C1orf54: variants seen among roughly 807,000 people sequenced by gnomAD.
C1orf54 encodes chromosome 1 open reading frame 54.
Under a neutral mutation model 14.7 loss-of-function variants are expected in C1orf54, and 12 were observed. The ratio of observed to expected loss-of-function variants is 0.82; its 90% CI spans 0.52 to 1.32. The LOEUF is 1.32. Among genes scored for constraint, C1orf54 ranks in the 40% most tolerant of loss-of-function variants. The probability of loss-of-function intolerance (pLI) is 0.00; values close to 1 mark genes in which losing one functional copy is unlikely to be tolerated. For missense variants in C1orf54, 163 were observed against 162.2 expected, an observed-to-expected ratio of 1.00 and a Z score of -0.03; for synonymous variants, 65 against 56.3, an observed-to-expected ratio of 1.16 and a Z score of -0.70.
chr1:150,272,947 G>C (rs1472748656), intron 1 of C1orf54, 84 bp downstream of exon 1: 2 of 1,454,978 alleles, frequency 1.4e-6, no homozygotes, highest in Admixed American at 1.7e-5. Context: ...GAGTGGGTGA[G>C]AGGTACATTT....
chr1:150,272,065 G>A (rs963525448), upstream of C1orf54, among the ~76,000 whole-genome samples: 27 of 152,186 alleles, frequency 1.8e-4, no homozygotes, highest in Non-Finnish European at 3.4e-4. Flanking sequence ...ACTGGAACCC[G>A]GGAGGCAGAG....
At chr1:150,277,502 TAAAAAAAA>T (rs71083896) in intron 4 of C1orf54, among the ~76,000 whole-genome samples, 6 of 41,326 alleles carry the variant, frequency 1.5e-4, no homozygotes, top group Non-Finnish European at 2.3e-4. Flanking sequence ...GACTCTATAC[TAAAAAAAA>T]AAAAAAAAAA....
rs1361942628 is a variant in C1orf54, at chr1:150,274,424, C to A, written c.130+254C>A. On this transcript the variant is annotated intron_variant, in intron 2 of 5. Transcript: ENST00000369099. The stretch of plus-strand genomic sequence containing the variant: ...GACCATCCTGGCTAACACAGTGAAA[C>A]CCTGTCTCTACTAAAAATACAAAAA... 2.0e-5 allele frequency among the ~76,000 whole-genome samples: 3 copies of A among 151,456 alleles called. No individual in the cohort carries two copies. In the South Asian group the frequency reaches 6.2e-4, roughly 32 times the overall value.
rs782428999 is a variant in C1orf54, at chr1:150,275,809, C to A, written c.189+10C>A. ...GTCAGAGGACAGGCTGGTGAGTGAA[C>A]TCTACATCTAAAAGGGTTAGGATAA... On this transcript the variant is annotated intron_variant, in intron 3 of 5. Coordinates refer to ENST00000369099, the MANE Select transcript of C1orf54 (RefSeq NM_024579.4). The A allele has an allele frequency of 5.0e-6, 8 of 1,603,376 alleles. No individual in the cohort carries two copies. The highest frequency in any genetic ancestry group is 6.8e-6 in the Non-Finnish European group (8 of 1,170,678).
At chr1:150,270,083 C>A (rs1052891587), upstream of C1orf54, among the ~76,000 whole-genome samples, 9 of 151,942 alleles carry the variant, frequency 5.9e-5, no homozygotes, top group African/African-American at 2.2e-4. Flanking sequence ...ATTGTAATCT[C>A]ATTTGGATGG....
At chr1:150,272,521 A>C (rs1363310109), upstream of C1orf54, 1 of 306,992 alleles carries the variant, frequency 3.3e-6, no homozygotes, top group Non-Finnish European at 6.0e-6. Flanking sequence ...TTTTATTTTT[A>C]TTTTGGTAGT....
chr1:150,276,366 C>T (rs587630874), intron 3 of C1orf54, among the ~76,000 whole-genome samples, 156 bp from the exon 4 acceptor site: 2 of 152,132 alleles, frequency 1.3e-5, no homozygotes, highest in African/African-American at 4.8e-5. Flanking sequence ...GAGATGGGTA[C>T]AAATCTATGC....
intron 5 of C1orf54, among the ~76,000 whole-genome samples, chr1:150,280,556 G>C (rs1189077035): frequency 6.6e-6 from 1 of 152,218 alleles, no homozygotes; most frequent in Non-Finnish European, 1.5e-5. Flanking sequence ...GCGGTTCTCT[G>C]ATGTATGGCA....
chr1:150,279,649 G>A lies in C1orf54; in HGVS notation c.307G>A (p.Asp103Asn), dbSNP rs782022240. 1.2e-6 allele frequency: 2 copies of A among 1,611,440 alleles called. No homozygotes were observed. Among genetic ancestry groups the A allele is most frequent in the Middle Eastern group, 1.6e-4 (1 of 6,078 alleles). ...VKPVTTEPSP[D>N]LNDAVSSLRS... ...GATGTCGGTATTTTAGCAGAGTCCA[G>A]ATCTGAACGATGCCGTGTCCAGTTT... Residue 103 changes from aspartate to asparagine, a missense_variant, in exon 5 of 6, where the codon GAT becomes AAT. By Grantham distance (23) the Asp-to-Asn change is conservative. Transcript: ENST00000369099.
chr1:150,272,530 G>C (rs1322735727), upstream of C1orf54: 1 of 348,340 alleles, frequency 2.9e-6, no homozygotes, highest in East Asian at 5.3e-5. Flanking sequence ...TATTTTGGTA[G>C]TGACAGTGGG....
chr1:150,277,599 G>A (rs587750127), intron 4 of C1orf54, among the ~76,000 whole-genome samples: 1 of 151,398 alleles, frequency 6.6e-6, no homozygotes, highest in Admixed American at 6.6e-5. Context: ...TATGATTGAA[G>A]GAGAGGGTAT....
In C1orf54 at chr1:150,272,792, T is replaced by G; in HGVS notation, c.-26T>G. ...AAACTCTGTAATTTCCTTTTTTACT[T>G]TCACAGCAATAGTGCAGAATCCAGA... is the stretch of plus-strand genomic sequence containing the variant. On this transcript the variant is annotated 5_prime_UTR_variant, in exon 1 of 6. Transcript: ENST00000369099. The G allele has an allele frequency of 1.2e-6, 2 of 1,613,672 alleles. No homozygotes were observed. Among genetic ancestry groups the G allele is most frequent in the Non-Finnish European group, 1.7e-6 (2 of 1,179,734 alleles).
chr1:150,276,510 T>C lies in C1orf54; in HGVS notation c.190-12T>C. ...TGATAACTCTGTGTTTCCCAAATCC[T>C]ACTGAGGGTAGAACAGGTTGGATAA... is the stretch of plus-strand genomic sequence containing the variant. On this transcript the variant is annotated splice_polypyrimidine_tract_variant and intron_variant, in intron 3 of 5. Transcript: ENST00000369099. The C allele has an allele frequency of 1.2e-6, 2 of 1,601,860 alleles. No homozygotes were observed. The highest frequency in any genetic ancestry group is 1.1e-5 in the South Asian group (1 of 90,814).
upstream of C1orf54, among the ~76,000 whole-genome samples, chr1:150,271,849 T>A (rs1289114396): frequency 1.3e-5 from 2 of 152,120 alleles, no homozygotes; most frequent in African/African-American, 2.4e-5. Context: ...GAGAAAGAGA[T>A]GAGGTGAGGC....
At chr1:150,268,833 G>T, upstream of C1orf54, 2 of 1,597,494 alleles carry the variant, frequency 1.3e-6, no homozygotes, top group Non-Finnish European at 1.7e-6. Flanking sequence ...GGGAAGGGGG[G>T]TGGGGGCCTG....
chr1:150,274,339 A>T (rs148031104), intron 2 of C1orf54, among the ~76,000 whole-genome samples, 169 bp downstream of exon 2: 2,096 of 152,180 alleles, frequency 0.014, 53 homozygotes, highest in African/African-American at 0.048. Context: ...GGTGGCTCAC[A>T]CCTGTAATCC....
At position 150,279,674 on chromosome 1, in the gene C1orf54, T is replaced by G; in HGVS notation, c.332T>G (p.Leu111Trp). 2 of 1,613,090 alleles carry G rather than the reference T, an allele frequency of 1.2e-6. No homozygotes were observed. The highest frequency in any genetic ancestry group is 1.7e-6 in the Non-Finnish European group (2 of 1,179,580). The stretch of plus-strand genomic sequence containing the variant: ...GATCTGAACGATGCCGTGTCCAGTT[T>G]GCGAAGTCCTATTCCCCTCCTCCTG... ...SPDLNDAVSS[L>W]RSPIPLLLSC... is the part of the protein sequence containing the mutation. The change falls in exon 5 of 6, where the codon TTG becomes TGG. Residue 111 changes from leucine to tryptophan, a missense_variant. Leu to Trp is a moderately conservative substitution (Grantham distance 61). Coordinates refer to ENST00000369099, the MANE Select transcript of C1orf54 (RefSeq NM_024579.4).
At chr1:150,276,247 A>G (rs1652642029) in intron 3 of C1orf54, among the ~76,000 whole-genome samples, 1 of 152,218 alleles carries the variant, frequency 6.6e-6, no homozygotes, top group African/African-American at 2.4e-5. Flanking sequence ...AGTAGGCCCA[A>G]AACAGATTTG....
At chr1:150,278,083 G>A (rs2101879315) in intron 4 of C1orf54, among the ~76,000 whole-genome samples, 1 of 133,966 alleles carries the variant, frequency 7.5e-6, no homozygotes, top group East Asian at 2.2e-4. Flanking sequence ...GGAAACAAGA[G>A]TGAAACTCCA....
Sources: allele counts gnomAD v4.1 joint callset (sites outside exome capture counted in the v4.1 genomes callset), GRCh38; gene constraint gnomAD v4.1.1; transcripts MANE v1.5; gene names NCBI Gene and HGNC (gene_info 2026-07-23, HGNC 2026-07-21).